Variants in CNGA1 observed in about 807,000 individuals in gnomAD.
CNGA1 encodes cyclic nucleotide gated channel subunit alpha 1.
In CNGA1, 53 loss-of-function variants were observed where a neutral mutation model predicts 69.7. The ratio of observed to expected loss-of-function variants is 0.76; its 90% CI spans 0.61 to 0.96. The LOEUF is 0.96. Among genes scored for constraint, CNGA1 ranks in the 40% least tolerant of loss-of-function variants. The pLI, the probability that CNGA1 is intolerant of heterozygous loss-of-function variation, is 0.00. For missense variants in CNGA1, 739 were observed against 811.2 expected (o/e 0.91, Z 1.08); for synonymous variants, 249 against 283.5 (o/e 0.88, Z 1.22).
chr4:47,937,409 G>A lies in CNGA1; in HGVS notation c.1073C>T (p.Thr358Ile). ...CACGGGAGGGGGTGTTTCACCAATG[G>A]TAGTCAAAGTCAGTGTAGACCAGTA... ...SLYWSTLTLT[T>I]IGETPPPVRD... The change falls in exon 11 of 11, where the codon ACC becomes ATC. Residue 358 changes from threonine to isoleucine, a missense_variant. By Grantham distance (89) the Thr-to-Ile change is moderately conservative. Transcript: ENST00000514170. The A allele has an allele frequency of 6.2e-7, 1 of 1,614,134 alleles. No homozygotes were observed. The highest frequency in any genetic ancestry group is 2.2e-5 in the East Asian group (1 of 44,878).
At chr4:47,963,355 A>G (rs186168525) in intron 3 of CNGA1, among the ~76,000 whole-genome samples, 1 of 152,242 alleles carries the variant, frequency 6.6e-6, no homozygotes, top group South Asian at 2.1e-4. Context: ...AGAAGCAGTT[A>G]TAATTTCAAA....
intron 3 of CNGA1, among the ~76,000 whole-genome samples, chr4:47,954,946 A>C (rs1036436018): frequency 3.3e-5 from 5 of 152,210 alleles, no homozygotes; most frequent in African/African-American, 9.7e-5. Context: ...GCTGCTATGT[A>C]AAGGTACTCA....
At chr4:47,961,705 G>A (rs949395561) in intron 3 of CNGA1, among the ~76,000 whole-genome samples, 2 of 152,108 alleles carry the variant, frequency 1.3e-5, no homozygotes, top group Admixed American at 6.5e-5. Flanking sequence ...TCCAGCCTGG[G>A]TGACAGAGCA....
intron 3 of CNGA1, among the ~76,000 whole-genome samples, chr4:47,978,115 C>T (rs553188922): frequency 6.6e-6 from 1 of 152,246 alleles, no homozygotes; most frequent in East Asian, 1.9e-4. Context: ...CGTGAGCCAC[C>T]GCGCCCAGCC....
intron 6 of CNGA1, among the ~76,000 whole-genome samples, chr4:47,946,659 C>T (rs1032417962): frequency 6.6e-6 from 1 of 152,220 alleles, no homozygotes; most frequent in Non-Finnish European, 1.5e-5. Flanking sequence ...TCAGAAACAA[C>T]AATTCATAAT....
At chr4:47,948,171 G>T (rs569204987) in intron 6 of CNGA1, among the ~76,000 whole-genome samples, 63 of 144,516 alleles carry the variant, frequency 4.4e-4, no homozygotes, top group African/African-American at 1.6e-3. Context: ...TTGGACCAAG[G>T]ACCCACTTTA....
At chr4:47,997,084 T>C (rs73244466) in intron 2 of CNGA1, among the ~76,000 whole-genome samples, 15,914 of 152,026 alleles carry the variant, frequency 0.1, 1,313 homozygotes, top group East Asian at 0.32. Flanking sequence ...CTTAGGTAAA[T>C]ATGAAATCAC....
At chr4:47,969,783 T>A (rs144749933) in intron 3 of CNGA1, among the ~76,000 whole-genome samples, 84 of 152,234 alleles carry the variant, frequency 5.5e-4, no homozygotes, top group African/African-American at 1.9e-3. Flanking sequence ...ACTAAGATTT[T>A]AAAAAAACTG....
intron 1 of CNGA1, 100 bp from the exon 2 acceptor site, chr4:48,010,993 G>A (rs1039167066): frequency 6.6e-5 from 10 of 152,496 alleles, no homozygotes; most frequent in African/African-American, 2.4e-4. Flanking sequence ...ACCCAAAGGG[G>A]GTTGCCATTG....
intron 2 of CNGA1, among the ~76,000 whole-genome samples, chr4:48,002,668 T>C (rs1714710769): frequency 1.6e-5 from 2 of 123,952 alleles, no homozygotes; most frequent in African/African-American, 6.1e-5. Context: ...GGTGGAGCCG[T>C]GGGTGTCAGA....
At chr4:47,940,897 T>C (rs1447645140) in intron 9 of CNGA1, 28 bp from the exon 10 acceptor site, 2 of 1,469,778 alleles carry the variant, frequency 1.4e-6, no homozygotes, top group Non-Finnish European at 1.9e-6. Flanking sequence ...CTTGTATAAA[T>C]AAAAAAGAAA....
rs147424811 is a variant in CNGA1, at chr4:47,973,145, G to A, written c.-15+8248C>T. On this transcript the variant is annotated intron_variant, in intron 3 of 10. Transcript: ENST00000514170. ...TGCAGTAGCACTATCTCAGCTCACT[G>A]CAACCTCCACCTCCCCGGTTCAAGC... Among the ~76,000 whole-genome samples the A allele has an allele frequency of 9.4e-3, 1,326 of 140,902 alleles. 17 individuals are homozygous for A. The highest frequency in any genetic ancestry group is 0.033 in the African/African-American group (1,215 of 36,974). The allele number at this position is 140,902 out of a possible 152,430, so 92.4% of individuals were successfully genotyped here. A position where few individuals can be genotyped will look rare whatever the true frequency, so the allele number is the denominator to read the frequency against.
intron 2 of CNGA1, among the ~76,000 whole-genome samples, chr4:47,990,003 A>G (rs552821727): frequency 4.3e-4 from 65 of 149,444 alleles, no homozygotes; most frequent in African/African-American, 1.6e-3. Flanking sequence ...CATCATCTTC[A>G]TAAGCTGAGG....
intron 2 of CNGA1, among the ~76,000 whole-genome samples, chr4:47,989,879 G>T (rs1224627038): frequency 6.6e-6 from 1 of 151,728 alleles, no homozygotes; most frequent in Non-Finnish European, 1.5e-5. Context: ...GGAGGGACCA[G>T]CTGAAGCTGC....
chr4:47,954,579 C>A (rs2110164589), intron 3 of CNGA1, among the ~76,000 whole-genome samples: 1 of 152,328 alleles, frequency 6.6e-6, no homozygotes, highest in Middle Eastern at 3.4e-3. Context: ...AAGATGACAT[C>A]GCCTGCATCT....
intron 2 of CNGA1, among the ~76,000 whole-genome samples, chr4:47,995,554 C>A (rs372029565): frequency 2.0e-5 from 1 of 49,704 alleles, no homozygotes; most frequent in Non-Finnish European, 6.2e-5. Flanking sequence ...CTTCTTGTAT[C>A]ATTTTTTTTT....
chr4:47,947,791 C>T (rs145094019), intron 6 of CNGA1, among the ~76,000 whole-genome samples: 73 of 152,256 alleles, frequency 4.8e-4, no homozygotes, highest in African/African-American at 1.7e-3. Flanking sequence ...GGATGGAAAA[C>T]GATGGAAAGA....
chr4:48,013,742 G>A (rs1170019467), intron 1 of CNGA1, among the ~76,000 whole-genome samples: 1 of 152,234 alleles, frequency 6.6e-6, no homozygotes, highest in Non-Finnish European at 1.5e-5. Flanking sequence ...AATAACCCAG[G>A]AATAATTAAG....
At chr4:47,941,801 A>G (rs1739093465) in intron 9 of CNGA1, among the ~76,000 whole-genome samples, 1 of 152,094 alleles carries the variant, frequency 6.6e-6, no homozygotes, top group Admixed American at 6.5e-5. Context: ...TTAAAAAATA[A>G]AAGTCTTCCC....
Sources: allele counts gnomAD v4.1 joint callset (sites outside exome capture counted in the v4.1 genomes callset), GRCh38; gene constraint gnomAD v4.1.1; transcripts MANE v1.5; gene names NCBI Gene and HGNC (gene_info 2026-07-23, HGNC 2026-07-21).